The following CNKSR2 variants were observed in gnomAD, a reference collection of about 807,000 sequenced individuals.
The protein encoded by CNKSR2 is CNK homolog protein 2.
Under a neutral mutation model 84.4 loss-of-function variants are expected in CNKSR2, and 14 were observed. That is an observed-to-expected ratio of 0.17 (90% CI 0.11 to 0.26). The LOEUF is 0.26. CNKSR2 is among the 10% of genes least tolerant of loss of function. The pLI is 1.00. For synonymous variants in CNKSR2, 275 were observed against 277.9 expected (o/e 0.99, Z 0.10); for missense variants, 485 against 771.2 (o/e 0.63, Z 4.40).
rs775883361 is a variant in CNKSR2 at position 21,445,414 on chromosome X, G to A, written c.519+4633G>A. ...TCAAATCAGGGTAGTTAGCATATCCGTCATCTCAAATATTTGTCACTTCTT... is the reference window on the plus strand; with the variant it reads ...TCAAATCAGGGTAGTTAGCATATCCATCATCTCAAATATTTGTCACTTCTT... On this transcript the variant is annotated intron_variant, in intron 4 of 21. Transcript: ENST00000379510. Among the ~76,000 whole-genome samples the A allele has an allele frequency of 3.8e-4, 42 of 111,026 alleles. 1 individual carries two copies. The highest frequency in any genetic ancestry group is 3.5e-3 in the Admixed American group (36 of 10,406).
rs759752160 is a variant in CNKSR2 at position 21,589,436 on chromosome X, T to C, written c.1609-1136T>C. ...AAAATCCAGTTGCCCCTTATAGATA[T>C]ATCTTTGTAAAGAAAAAGAAGAATC... On this transcript the variant is annotated intron_variant, in intron 13 of 21. Transcript: ENST00000379510. 3.8e-4 allele frequency among the ~76,000 whole-genome samples: 43 copies of C among 112,341 alleles called. No homozygotes were observed. The East Asian group carries it at 0.01, about 27-fold the overall frequency.
At chrX:21,457,477 A>C (rs2091008676) in intron 4 of CNKSR2, among the ~76,000 whole-genome samples, 2 of 111,992 alleles carry the variant, frequency 1.8e-5, no homozygotes, top group Non-Finnish European at 3.8e-5. Context: ...ATAATCAATA[A>C]ACACCATGCC....
intron 9 of CNKSR2, among the ~76,000 whole-genome samples, chrX:21,523,724 A>G (rs757359959): frequency 9.0e-6 from 1 of 110,689 alleles, no homozygotes; most frequent in Non-Finnish European, 1.9e-5. Context: ...ACAAACTTAA[A>G]TGGCTATTGG....
At chrX:21,530,946 A>G (rs1372616994) in intron 10 of CNKSR2, among the ~76,000 whole-genome samples, 3 of 110,471 alleles carry the variant, frequency 2.7e-5, no homozygotes, top group Non-Finnish European at 5.7e-5. Context: ...ATAGAAGAAA[A>G]AAATCAACTT....
At chrX:21,563,900 C>T (rs1263114507) in intron 13 of CNKSR2, among the ~76,000 whole-genome samples, 1 of 110,858 alleles carries the variant, frequency 9.0e-6, no homozygotes, top group Non-Finnish European at 1.9e-5. Context: ...GGGAGAAAGA[C>T]ATGCTGAGAG....
intron 9 of CNKSR2, among the ~76,000 whole-genome samples, chrX:21,517,709 T>G (rs1601891452): frequency 9.0e-6 from 1 of 110,944 alleles, no homozygotes; most frequent in African/African-American, 3.3e-5. Flanking sequence ...CTATTACCTT[T>G]TCTTAGAAGT....
intron 10 of CNKSR2, among the ~76,000 whole-genome samples, chrX:21,530,517 TTTG>T (rs2091876095): frequency 9.0e-6 from 1 of 111,586 alleles, no homozygotes; most frequent in Admixed American, 9.5e-5. Context: ...TAATTAAAAA[TTTG>T]TTCTTTTTAT....
intron 5 of CNKSR2, among the ~76,000 whole-genome samples, chrX:21,485,347 C>T (rs1435252789): frequency 9.0e-6 from 1 of 110,621 alleles, no homozygotes; most frequent in Non-Finnish European, 1.9e-5. Context: ...TTTGAATCCC[C>T]ACATTAAAAT....
chrX:21,558,045 T>C (rs1401287672), intron 11 of CNKSR2, among the ~76,000 whole-genome samples: 3 of 111,740 alleles, frequency 2.7e-5, no homozygotes, highest in Non-Finnish European at 5.7e-5. Context: ...TTTGTTTCAC[T>C]TGGTTTTTTA....
chrX:21,517,741 A>C (rs2091742892), intron 9 of CNKSR2, among the ~76,000 whole-genome samples: 1 of 111,098 alleles, frequency 9.0e-6, no homozygotes, highest in Non-Finnish European at 1.9e-5. Context: ...AAATAGGCCC[A>C]TTGAACTGGA....
intron 13 of CNKSR2, among the ~76,000 whole-genome samples, chrX:21,581,404 G>A (rs773664027): frequency 3.8e-4 from 42 of 111,924 alleles, no homozygotes; most frequent in Non-Finnish European, 3.6e-4. Context: ...TCCTACCATG[G>A]TGTTGCTTCA....
chrX:21,561,436 A>C (rs1284852425), intron 11 of CNKSR2, 35 bp from the exon 12 acceptor site: 3 of 1,089,626 alleles, frequency 2.8e-6, no homozygotes, highest in African/African-American at 3.6e-5. Flanking sequence ...GGGGAAGAAA[A>C]ACAATGTGAT....
chrX:21,420,847 G>A (rs867108294), intron 1 of CNKSR2, among the ~76,000 whole-genome samples: 6 of 110,785 alleles, frequency 5.4e-5, no homozygotes, highest in Non-Finnish European at 1.1e-4. Context: ...TGGGGTTAGG[G>A]AAGAGATAAT....
chrX:21,399,632 T>G lies in CNKSR2; in HGVS notation c.64+24671T>G, dbSNP rs149063027. Among the ~76,000 whole-genome samples, 1,061 of 111,717 alleles carry G rather than the reference T, an allele frequency of 9.5e-3. 11 individuals carry two copies. The highest frequency in any genetic ancestry group is 0.031 in the African/African-American group (962 of 30,822). On this transcript the variant is annotated intron_variant, in intron 1 of 21. Coordinates refer to ENST00000379510, the MANE Select transcript of CNKSR2 (RefSeq NM_014927.5). ...TAGGATAGTGCAGTTATTCTTTTCA[T>G]TAGGGGATCAGAATAACCCCATTCT...
chrX:21,586,896 A>G (rs777280361), intron 13 of CNKSR2, among the ~76,000 whole-genome samples: 1 of 112,129 alleles, frequency 8.9e-6, no homozygotes, highest in African/African-American at 3.2e-5. Context: ...CATGAAGGAC[A>G]CATGGAAGAT....
chrX:21,628,921 C>A (rs1450772283), intron 20 of CNKSR2, among the ~76,000 whole-genome samples: 1 of 112,446 alleles, frequency 8.9e-6, no homozygotes, highest in African/African-American at 3.2e-5. Flanking sequence ...ATTTTCTTTT[C>A]TATCACTTAT....
chrX:21,376,403 A>G (rs1378824948), intron 1 of CNKSR2, among the ~76,000 whole-genome samples: 2 of 112,001 alleles, frequency 1.8e-5, no homozygotes, highest in Admixed American at 9.4e-5. Flanking sequence ...AAGCAGTACA[A>G]ATGTGAGTGA....
rs749463805 is a variant in CNKSR2 at position 21,649,066 on chromosome X, A to AT, written c.2889+41dup. ...TGGAAGGACAAATTTCTTTGAAGAG[A>AT]TTCATTCTTAAAGTGGATTACCAGA... is the stretch of plus-strand genomic sequence containing the variant. On this transcript the variant is annotated intron_variant, in intron 21 of 21. Transcript: ENST00000379510. 6.9e-6 allele frequency: 7 copies of AT among 1,017,936 alleles called. No homozygotes were observed. In the East Asian group the frequency reaches 2.2e-4, roughly 31 times the overall value. The allele number at this position is 1,017,936 out of a possible 1,213,427, so 83.9% of individuals were successfully genotyped here.
At chrX:21,634,389 A>G (rs2092660797) in intron 20 of CNKSR2, among the ~76,000 whole-genome samples, 1 of 111,786 alleles carries the variant, frequency 8.9e-6, no homozygotes. Context: ...GGTATCTTTC[A>G]TTGTCCTTAA....
Sources: gnomAD v4.1 joint callset for allele counts (sites outside exome capture counted in the v4.1 genomes callset) on GRCh38, gnomAD v4.1.1 for gene constraint, MANE v1.5 for transcripts, NCBI Gene and HGNC (gene_info 2026-07-23, HGNC 2026-07-21) for gene names.